Variants in NUDT14 observed in about 807,000 individuals in gnomAD.
NUDT14 encodes the protein uridine diphosphate glucose pyrophosphatase NUDT14.
A neutral mutation model predicts 17.5 loss-of-function variants in NUDT14; 22 were observed. That is an observed-to-expected ratio of 1.26 (90% CI 0.90 to 1.80). The LOEUF (loss-of-function observed/expected upper bound fraction) is 1.80, where lower values mean the gene tolerates loss of function less well. Ranked by LOEUF, NUDT14 falls within the 40% of genes most tolerant of loss-of-function variation. The pLI, the probability that NUDT14 is intolerant of heterozygous loss-of-function variation, is 0.00. For missense variants in NUDT14, 296 were observed against 295.6 expected (o/e 1.00, Z -0.01); for synonymous variants, 129 against 125.8 (o/e 1.03, Z -0.17).
chr14:105,178,348 C>T (rs587621418), intron 1 of NUDT14, among the ~76,000 whole-genome samples: 2 of 152,156 alleles, frequency 1.3e-5, no homozygotes, highest in South Asian at 4.2e-4. Flanking sequence ...GCTCGGCAGC[C>T]CCCCCACACA....
chr14:105,176,981 C>G lies in NUDT14; in HGVS notation c.172G>C (p.Val58Leu). Reference protein sequence around the residue: ...FNSSRRSLVLVKQFRPAVYAG... With the variant: ...FNSSRRSLVLLKQFRPAVYAG... ...GCCTCACCTGGCCGGAACTGCTTCA[C>G]CAACACCAGGCTCCTCCGAGAAGAG... The change falls in exon 3 of 5, where the codon GTG (valine) becomes CTG (leucine). Residue 58 changes from valine to leucine, a missense_variant. Coordinates refer to ENST00000392568, the MANE Select transcript of NUDT14 (RefSeq NM_177533.5). 1 of 1,612,152 alleles carries G rather than the reference C, an allele frequency of 6.2e-7. No individual in the cohort carries two copies. The highest frequency in any genetic ancestry group is 8.5e-7 in the Non-Finnish European group (1 of 1,179,794).
At chr14:105,180,446 C>T (rs1379460269) in intron 1 of NUDT14, among the ~76,000 whole-genome samples, 1 of 152,096 alleles carries the variant, frequency 6.6e-6, no homozygotes, top group East Asian at 1.9e-4. Context: ...CCAGCCTGGG[C>T]GACAGCAAGA....
chr14:105,176,757 C>A lies in NUDT14; in HGVS notation c.205G>T (p.Glu69Ter). 6.2e-7 allele frequency: 1 copy of A among 1,612,374 alleles called. No individual in the cohort carries two copies. The highest frequency in any genetic ancestry group is 8.5e-7 in the Non-Finnish European group (1 of 1,179,848). The change falls in exon 4 of 5, where the codon GAG (glutamate) becomes TAG (stop). Residue 69 changes from glutamate (E) to a stop codon, truncating the protein, a stop_gained. Coordinates refer to ENST00000392568, the MANE Select transcript of NUDT14 (RefSeq NM_177533.5). LOFTEE classifies it high-confidence loss of function. Reference protein sequence around the residue: ...KQFRPAVYAGEVERRFPGSLA... With the variant: ...KQFRPAVYAG ...GACCCTGGGAAGCGGCGCTCCACCTCACCCGCATACACAGCTGCGTGGGAA... is the reference window on the plus strand; with the variant it reads ...GACCCTGGGAAGCGGCGCTCCACCTAACCCGCATACACAGCTGCGTGGGAA...
Position 105,177,691 on chromosome 14 carries a change from C to A in NUDT14, c.125+1G>T. The stretch of plus-strand genomic sequence containing the variant: ...GTGGCCAGGCTGGGCCAGGCTCTCA[C>A]CTGTCATGCGTCTTCATGAAGTCCC... On this transcript the variant is annotated splice_donor_variant, in intron 2 of 4. Coordinates refer to ENST00000392568, the MANE Select transcript of NUDT14 (RefSeq NM_177533.5). LOFTEE classifies it high-confidence loss of function. 2.5e-6 allele frequency: 4 copies of A among 1,612,358 alleles called. No homozygotes were observed. The highest frequency in any genetic ancestry group is 1.7e-6 in the Non-Finnish European group (2 of 1,179,704).
At chr14:105,177,390 C>T in intron 2 of NUDT14, 1 of 548,810 alleles carries the variant, frequency 1.8e-6, no homozygotes, top group South Asian at 2.0e-5. Context: ...GCCACGTCGC[C>T]ATCCAGCCCA....
At chr14:105,175,807 T>G in intron 4 of NUDT14, 1 of 1,038,840 alleles carries the variant, frequency 9.6e-7, no homozygotes, top group Non-Finnish European at 1.2e-6. Context: ...GGCTCAACCC[T>G]GAGTGGCCCA....
intron 1 of NUDT14, among the ~76,000 whole-genome samples, chr14:105,179,136 C>T (rs965148642): frequency 2.6e-5 from 4 of 152,206 alleles, no homozygotes; most frequent in Admixed American, 2.0e-4. Flanking sequence ...CAAGGACCCT[C>T]TCAGCTCAAG....
chr14:105,177,414 A>T (rs1287074063), intron 2 of NUDT14: 1 of 546,898 alleles, frequency 1.8e-6, no homozygotes, highest in Non-Finnish European at 3.3e-6. Flanking sequence ...CCTGGATGCT[A>T]GGGGCAAAGG....
chr14:105,175,585 G>A, intron 4 of NUDT14: 1 of 312,772 alleles, frequency 3.2e-6, no homozygotes, highest in African/African-American at 2.2e-5. Flanking sequence ...ACTTTTAGCA[G>A]AGGCGGGGTT....
intron 2 of NUDT14, 118 bp from the exon 3 acceptor site, chr14:105,177,145 G>T: frequency 1.1e-6 from 1 of 926,996 alleles, no homozygotes; most frequent in Non-Finnish European, 1.7e-6. Context: ...AGCCCAGGGA[G>T]GTCAGGCCCC....
chr14:105,176,041 AC>A (rs1889205596), intron 4 of NUDT14: 3 of 1,207,614 alleles, frequency 2.5e-6, no homozygotes, highest in Non-Finnish European at 3.2e-6. Flanking sequence ...AGGCAACCCC[AC>A]CCCAGCTGGC....
Position 105,176,746 on chromosome 14 carries a change from G to A in NUDT14, c.216C>T (p.Arg72=). The A allele has an allele frequency of 6.2e-7, 1 of 1,612,548 alleles. No individual in the cohort carries two copies. The change falls in exon 4 of 5, where the codon CGC becomes CGT. Residue 72 remains arginine (R), a synonymous_variant. Transcript: ENST00000392568. ...RPAVYAGEVE[R]RFPGSLAAVD... ...CAGCTGCTAGGGACCCTGGGAAGCG[G>A]CGCTCCACCTCACCCGCATACACAG...
intron 1 of NUDT14, among the ~76,000 whole-genome samples, chr14:105,179,904 G>C (rs1486976773): frequency 6.6e-6 from 1 of 152,214 alleles, no homozygotes; most frequent in East Asian, 1.9e-4. Flanking sequence ...GTGATGGGGG[G>C]GACAGGATGC....
intron 4 of NUDT14, among the ~76,000 whole-genome samples, chr14:105,174,023 G>A (rs1474277442): frequency 1.3e-5 from 2 of 152,086 alleles, no homozygotes; most frequent in South Asian, 2.1e-4. Flanking sequence ...CAGGACACAA[G>A]TTTCAGACTA....
At position 105,175,251 on chromosome 14, in the gene NUDT14, C is replaced by G. The variant is rs141544278; in HGVS notation, c.428+1283G>C. 5.3e-5 allele frequency among the ~76,000 whole-genome samples: 8 copies of G among 152,330 alleles called. 1 individual carries two copies. The East Asian group carries it at 1.5e-3, about 29-fold the overall frequency. ...GGACTCCAGCCCCTCCCATGCCTCC[C>G]GGCTGTGCTCAGTACTATGGGCTGG... On this transcript the variant is annotated intron_variant, in intron 4 of 4. Transcript: ENST00000392568.
chr14:105,177,124 T>A (rs1472466757), intron 2 of NUDT14, 97 bp from the exon 3 acceptor site: 1 of 1,173,034 alleles, frequency 8.5e-7, no homozygotes, highest in South Asian at 1.3e-5. Flanking sequence ...CCATCCCACC[T>A]CCTTGCCAGC....
Position 105,181,223 on chromosome 14 carries a change from C to G in NUDT14, c.-14G>C, listed in dbSNP as rs1369150127. 98 of 1,002,516 alleles carry G rather than the reference C, an allele frequency of 9.8e-5. No individual in the cohort carries two copies. The highest frequency in any genetic ancestry group is 1.2e-4 in the Non-Finnish European group (94 of 810,312). The allele number at this position is 1,002,516 out of a possible 1,614,324, so 62.1% of individuals were successfully genotyped here. On this transcript the variant is annotated 5_prime_UTR_variant, in exon 1 of 5. Transcript: ENST00000392568. This position sits in a 1 kb window ranked among gnomAD's most constrained non-coding sequence, Gnocchi z 5.0. ...GATGCGCTCCATGGCGGCGCCCGGA[C>G]AGGCGGGGGCCGCGAGCTCTGCGGG...
At chr14:105,174,730 C>T (rs1476026391) in intron 4 of NUDT14, among the ~76,000 whole-genome samples, 15 of 152,136 alleles carry the variant, frequency 9.9e-5, no homozygotes. Flanking sequence ...GGCCCTTGGC[C>T]CGGGCTGAGA....
At position 105,173,688 on chromosome 14, in the gene NUDT14, G is replaced by T. The variant is rs1889153658; in HGVS notation, c.429-427C>A. On this transcript the variant is annotated intron_variant, in intron 4 of 4. Transcript: ENST00000392568. This position sits in a 1 kb window ranked among gnomAD's most constrained non-coding sequence, Gnocchi z 4.7. ...CTGGGAAGGGCCAACAGCCAGCAGGGAGGTGGGACCCAGTCCCCAGCCACC... is the reference window on the plus strand; with the variant it reads ...CTGGGAAGGGCCAACAGCCAGCAGGTAGGTGGGACCCAGTCCCCAGCCACC... 6.4e-6 allele frequency: 1 copy of T among 157,056 alleles called. No individual in the cohort carries two copies. The highest frequency in any genetic ancestry group is 1.4e-5 in the Non-Finnish European group (1 of 71,630). 9.7% of individuals were successfully genotyped at this position (157,056 alleles called of 1,614,324 possible).
Sources: gnomAD v4.1 joint callset for allele counts (sites outside exome capture counted in the v4.1 genomes callset) on GRCh38, gnomAD v4.1.1 for gene constraint, Gnocchi (gnomAD v3.1) non-coding constraint, MANE v1.5 for transcripts, NCBI Gene and HGNC (gene_info 2026-07-23, HGNC 2026-07-21) for gene names.